Variants in IQGAP2 observed in about 807,000 individuals in gnomAD.
The protein encoded by IQGAP2 is ras GTPase-activating-like protein IQGAP2.
In IQGAP2, 173 loss-of-function variants were observed where a neutral mutation model predicts 201.3. The ratio of observed to expected loss-of-function variants is 0.86; its 90% CI spans 0.76 to 0.98. The LOEUF is 0.98. Among genes scored for constraint, IQGAP2 ranks in the 50% least tolerant of loss-of-function variants. IQGAP2 has a pLI of 0.00. For synonymous variants in IQGAP2, 675 were observed against 673.9 expected, an observed-to-expected ratio of 1.00 and a Z score of -0.03; for missense variants, 1,687 against 1,864.8, an observed-to-expected ratio of 0.90 and a Z score of 1.76.
At chr5:76,493,852 A>G (rs1561413788) in intron 2 of IQGAP2, among the ~76,000 whole-genome samples, 1 of 152,232 alleles carries the variant, frequency 6.6e-6, no homozygotes, top group African/African-American at 2.4e-5. Flanking sequence ...TTTATGAGAA[A>G]GAAAGGTTGA....
chr5:76,407,775 A>C (rs894392921), intron 1 of IQGAP2, among the ~76,000 whole-genome samples: 9 of 152,150 alleles, frequency 5.9e-5, no homozygotes, highest in Non-Finnish European at 1.3e-4. Flanking sequence ...CTTTTTCTCT[A>C]GGGAACCAAT....
At chr5:76,560,970 A>C (rs1744325071) in intron 2 of IQGAP2, among the ~76,000 whole-genome samples, 1 of 152,220 alleles carries the variant, frequency 6.6e-6, no homozygotes, top group African/African-American at 2.4e-5. Context: ...ACTAATAATA[A>C]AACAGAACAA....
chr5:76,464,418 T>C (rs1157438533), intron 2 of IQGAP2, among the ~76,000 whole-genome samples: 1 of 152,234 alleles, frequency 6.6e-6, no homozygotes, highest in Non-Finnish European at 1.5e-5. Flanking sequence ...TTCACATGAA[T>C]GGAGTTGACT....
At chr5:76,546,202 G>A (rs944178885) in intron 2 of IQGAP2, among the ~76,000 whole-genome samples, 23 of 152,132 alleles carry the variant, frequency 1.5e-4, no homozygotes, top group African/African-American at 4.6e-4. Context: ...TTGGGAGGCC[G>A]AGGTGGGCAG....
chr5:76,496,793 C>CTCTT (rs1339863806), intron 2 of IQGAP2, among the ~76,000 whole-genome samples: 1 of 66,256 alleles, frequency 1.5e-5, no homozygotes, highest in Non-Finnish European at 3.0e-5. Context: ...TTCTTTCTTT[C>CTCTT]TCTTTCTTTC....
At chr5:76,558,531 A>C (rs987597446) in intron 2 of IQGAP2, among the ~76,000 whole-genome samples, 1 of 152,152 alleles carries the variant, frequency 6.6e-6, no homozygotes, top group Non-Finnish European at 1.5e-5. Flanking sequence ...TTAAGGCGGC[A>C]TTACTATTGA....
chr5:76,667,707 A>C (rs536839598), intron 22 of IQGAP2, among the ~76,000 whole-genome samples: 8 of 151,346 alleles, frequency 5.3e-5, no homozygotes, highest in Admixed American at 2.6e-4. Context: ...CAGCCTCCCT[A>C]CCTCACTCCC....
chr5:76,644,382 C>T (rs1751861978), intron 17 of IQGAP2, among the ~76,000 whole-genome samples: 1 of 146,814 alleles, frequency 6.8e-6, no homozygotes, highest in South Asian at 2.3e-4. Context: ...TCACTGCAAC[C>T]TCCACCTCCT....
At chr5:76,598,461 C>CA (rs796144866) in intron 10 of IQGAP2, among the ~76,000 whole-genome samples, 19 of 150,254 alleles carry the variant, frequency 1.3e-4, no homozygotes, top group African/African-American at 4.6e-4. Context: ...AAATGACAAA[C>CA]AAAAAAAAAG....
At chr5:76,687,317 G>A (rs1745867161) in intron 30 of IQGAP2, among the ~76,000 whole-genome samples, 1 of 152,180 alleles carries the variant, frequency 6.6e-6, no homozygotes, top group Non-Finnish European at 1.5e-5. Context: ...AGCCATCCCT[G>A]AAAGTGAAAT....
chr5:76,701,055 G>C (rs767192396), intron 33 of IQGAP2, 21 bp from the exon 34 acceptor site: 5 of 1,613,010 alleles, frequency 3.1e-6, no homozygotes, highest in Non-Finnish European at 4.2e-6. Flanking sequence ...AACAACAAAT[G>C]TTCTGTTCTT....
chr5:76,567,154 C>T (rs946705265), intron 3 of IQGAP2, among the ~76,000 whole-genome samples: 2 of 152,214 alleles, frequency 1.3e-5, no homozygotes, highest in Admixed American at 6.5e-5. Flanking sequence ...AATACTTCAG[C>T]GTCTAGCTTC....
chr5:76,645,739 T>C (rs1174602158), intron 17 of IQGAP2, among the ~76,000 whole-genome samples: 1 of 151,736 alleles, frequency 6.6e-6, no homozygotes, highest in Non-Finnish European at 1.5e-5. Flanking sequence ...CTCATAAATA[T>C]AGAAGAATAC....
intron 3 of IQGAP2, among the ~76,000 whole-genome samples, chr5:76,564,045 A>G (rs959330585): frequency 1.3e-5 from 2 of 152,064 alleles, no homozygotes; most frequent in East Asian, 3.8e-4. Context: ...TAATGTTATA[A>G]ATAAAAATGT....
chr5:76,643,573 A>G (rs912607500), intron 17 of IQGAP2, among the ~76,000 whole-genome samples: 1 of 152,164 alleles, frequency 6.6e-6, no homozygotes, highest in Non-Finnish European at 1.5e-5. Context: ...TCCAATATTG[A>G]TATTGTTGGT....
intron 14 of IQGAP2, among the ~76,000 whole-genome samples, chr5:76,628,163 C>G (rs10069799): frequency 1.1e-3 from 161 of 152,328 alleles, no homozygotes; most frequent in Non-Finnish European, 2.1e-3. Context: ...CACCCCTCCC[C>G]CAAAGGGACC....
chr5:76,703,653 CA>C (rs60408771), intron 35 of IQGAP2, among the ~76,000 whole-genome samples: 44,149 of 135,410 alleles, frequency 0.33, 6,935 homozygotes, highest in Non-Finnish European at 0.35. Context: ...AGTTTCTGTG[CA>C]AAAAAAAAAA....
intron 2 of IQGAP2, among the ~76,000 whole-genome samples, chr5:76,518,663 G>A (rs574036260): frequency 1.1e-4 from 16 of 152,238 alleles, no homozygotes; most frequent in African/African-American, 3.4e-4. Context: ...GTAATTGAAC[G>A]GAGGTTATTT....
chr5:76,553,481 G>GGT (rs1191722199), intron 2 of IQGAP2, among the ~76,000 whole-genome samples: 1 of 152,116 alleles, frequency 6.6e-6, no homozygotes, highest in Non-Finnish European at 1.5e-5. Context: ...ATTTATAGTT[G>GGT]GTGATTTCCT....
Sources: gnomAD v4.1 joint callset for allele counts (sites outside exome capture counted in the v4.1 genomes callset) on GRCh38, gnomAD v4.1.1 for gene constraint, MANE v1.5 for transcripts, NCBI Gene and HGNC (gene_info 2026-07-23, HGNC 2026-07-21) for gene names.